MDGA2: variants seen among roughly 807,000 people sequenced by gnomAD.
MDGA2 encodes MAM domain-containing glycosylphosphatidylinositol anchor protein 2.
In MDGA2, 40 loss-of-function variants were observed where a neutral mutation model predicts 117.8. The ratio of observed to expected loss-of-function variants is 0.34; its 90% CI spans 0.26 to 0.44. MDGA2 has a LOEUF of 0.44. Ranked by LOEUF, MDGA2 falls within the 20% of genes least tolerant of loss-of-function variation. The pLI is 1.00. For missense variants in MDGA2, 1,123 were observed against 1,250.6 expected (o/e 0.90, Z 1.54); for synonymous variants, 452 against 439.0 (o/e 1.03, Z -0.37).
intron 5 of MDGA2, among the ~76,000 whole-genome samples, chr14:47,116,584 T>C (rs1032276988): frequency 6.6e-6 from 1 of 151,834 alleles, no homozygotes; most frequent in Non-Finnish European, 1.5e-5. Context: ...TGGAACAGAA[T>C]AGAGAGCCCA....
At position 47,130,993 on chromosome 14, in the gene MDGA2, T is replaced by C. The variant is rs555930978; in HGVS notation, c.925+721A>G. Among the ~76,000 whole-genome samples the C allele has an allele frequency of 9.2e-5, 14 of 152,206 alleles. No individual in the cohort carries two copies. The South Asian group carries it at 1.7e-3, about 18-fold the overall frequency. ...GTAACAAACCTGCACGTTGTGCACATGTACCCTAGAACTTAAAGTATAATA... is the reference window on the plus strand; with the variant it reads ...GTAACAAACCTGCACGTTGTGCACACGTACCCTAGAACTTAAAGTATAATA... On this transcript the variant is annotated intron_variant, in intron 5 of 16. Transcript: ENST00000399232.
intron 2 of MDGA2, among the ~76,000 whole-genome samples, chr14:47,274,479 A>G (rs1266304127): frequency 1.3e-5 from 2 of 152,150 alleles, no homozygotes; most frequent in African/African-American, 2.4e-5. Flanking sequence ...CCATTCATCA[A>G]CTGACGGATA....
At chr14:47,041,976 A>T (rs1889086815) in intron 7 of MDGA2, among the ~76,000 whole-genome samples, 1 of 152,038 alleles carries the variant, frequency 6.6e-6, no homozygotes. Flanking sequence ...TAAGAATCAT[A>T]AGAAGCTCAG....
intron 1 of MDGA2, among the ~76,000 whole-genome samples, chr14:47,515,296 A>T (rs1416916650): frequency 6.6e-6 from 1 of 152,166 alleles, no homozygotes; most frequent in Admixed American, 6.6e-5. Flanking sequence ...AGTAATTTTC[A>T]GTAATGCTGC....
chr14:46,907,797 A>C (rs374320099), intron 10 of MDGA2, among the ~76,000 whole-genome samples: 59 of 152,274 alleles, frequency 3.9e-4, no homozygotes, highest in African/African-American at 1.3e-3. Flanking sequence ...TATTACTAGT[A>C]CCTGATACAA....
intron 3 of MDGA2, among the ~76,000 whole-genome samples, chr14:47,169,392 T>C (rs1226907922): frequency 1.3e-5 from 2 of 151,818 alleles, no homozygotes; most frequent in African/African-American, 4.8e-5. Context: ...TATATATGTA[T>C]ATATATAAAT....
chr14:47,478,871 G>C (rs1234766206), intron 1 of MDGA2, among the ~76,000 whole-genome samples: 1 of 152,104 alleles, frequency 6.6e-6, no homozygotes. Flanking sequence ...GAAATCTTTT[G>C]ACATCTTGAA....
chr14:46,968,607 G>C (rs542468578), intron 8 of MDGA2, among the ~76,000 whole-genome samples: 1 of 152,030 alleles, frequency 6.6e-6, no homozygotes, highest in Non-Finnish European at 1.5e-5. Context: ...GCCAAGGTGG[G>C]TGGATCACAA....
intron 8 of MDGA2, among the ~76,000 whole-genome samples, chr14:47,025,710 C>CAAA (rs11454541): frequency 3.5e-5 from 5 of 141,874 alleles, no homozygotes; most frequent in Admixed American, 2.1e-4. Flanking sequence ...TTCTCCACCA[C>CAAA]AAAAAAAAAA....
intron 1 of MDGA2, among the ~76,000 whole-genome samples, chr14:47,521,830 C>G (rs1485257310): frequency 6.6e-6 from 1 of 152,096 alleles, no homozygotes; most frequent in Non-Finnish European, 1.5e-5. Context: ...CACCACCACA[C>G]CTGGCTAATT....
chr14:47,475,964 A>G lies in MDGA2; in HGVS notation c.281-174414T>C, dbSNP rs566334842. Reference sequence around the variant, plus strand: ...CCATGACATACGTTTTCACCTATGCAACAAACCTGTGCATCCTGCACATGT... The same window carrying G: ...CCATGACATACGTTTTCACCTATGCGACAAACCTGTGCATCCTGCACATGT... On this transcript the variant is annotated intron_variant, in intron 1 of 16. Coordinates refer to ENST00000399232, the MANE Select transcript of MDGA2 (RefSeq NM_001113498.3). 6.0e-4 allele frequency among the ~76,000 whole-genome samples: 92 copies of G among 152,360 alleles called. 2 individuals carry two copies. Among genetic ancestry groups the G allele is most frequent in the African/African-American group, 1.2e-3 (50 of 41,592 alleles).
intron 1 of MDGA2, among the ~76,000 whole-genome samples, chr14:47,559,260 G>A (rs920735196): frequency 1.3e-5 from 2 of 152,058 alleles, no homozygotes; most frequent in Admixed American, 6.5e-5. Flanking sequence ...CATCAAGTAG[G>A]TCCCAGTAGT....
At chr14:47,506,466 G>A (rs1182244462) in intron 1 of MDGA2, among the ~76,000 whole-genome samples, 5 of 152,220 alleles carry the variant, frequency 3.3e-5, no homozygotes, top group Admixed American at 3.3e-4. Flanking sequence ...TAAATTGCTT[G>A]CCCCGGACTT....
At chr14:47,109,477 T>G (rs535070026) in intron 5 of MDGA2, among the ~76,000 whole-genome samples, 1 of 152,184 alleles carries the variant, frequency 6.6e-6, no homozygotes, top group South Asian at 2.1e-4. Context: ...TATTTAGGAG[T>G]AGGACATCAG....
intron 8 of MDGA2, among the ~76,000 whole-genome samples, chr14:46,959,977 A>G (rs1885727656): frequency 6.6e-6 from 1 of 152,052 alleles, no homozygotes; most frequent in Admixed American, 6.6e-5. Context: ...TAATCTCAGC[A>G]CTTTGGGAGG....
intron 1 of MDGA2, among the ~76,000 whole-genome samples, chr14:47,580,964 A>G (rs1896219086): frequency 6.6e-6 from 1 of 151,990 alleles, no homozygotes; most frequent in East Asian, 1.9e-4. Context: ...AATGATTGCT[A>G]ATAAGTTTGA....
chr14:47,633,722 T>C (rs959198664), intron 1 of MDGA2, among the ~76,000 whole-genome samples: 1 of 152,202 alleles, frequency 6.6e-6, no homozygotes, highest in Non-Finnish European at 1.5e-5. Context: ...AGAATTCTAC[T>C]GATGCTGCTA....
chr14:46,960,278 A>T (rs1249061156), intron 8 of MDGA2: 7 of 152,096 alleles, frequency 4.6e-5, no homozygotes, highest in East Asian at 1.9e-4. Flanking sequence ...AGTATTTTTT[A>T]AAATGTCCAG....
chr14:47,119,052 CTTTTT>C (rs371151507), intron 5 of MDGA2, among the ~76,000 whole-genome samples: 1 of 124,382 alleles, frequency 8.0e-6, no homozygotes, highest in Admixed American at 8.4e-5. Context: ...TACATATTCT[CTTTTT>C]TTTTTTTTTT....
Sources: allele counts gnomAD v4.1 joint callset (sites outside exome capture counted in the v4.1 genomes callset), GRCh38; gene constraint gnomAD v4.1.1; transcripts MANE v1.5; gene names NCBI Gene and HGNC (gene_info 2026-07-23, HGNC 2026-07-21).